SEMA3E: variants seen among roughly 807,000 people sequenced by gnomAD.
The protein encoded by SEMA3E is semaphorin-3E.
SEMA3E carries 49 observed loss-of-function variants against 93.6 expected under a neutral mutation model. The ratio of observed to expected loss-of-function variants is 0.52; its 90% CI spans 0.42 to 0.66. The LOEUF (loss-of-function observed/expected upper bound fraction) is 0.66. Among genes scored for constraint, SEMA3E ranks in the 30% least tolerant of loss-of-function variants. The pLI, the probability that SEMA3E is intolerant of heterozygous loss-of-function variation, is 0.00. For synonymous variants in SEMA3E, 363 were observed against 330.7 expected, an observed-to-expected ratio of 1.10 and a Z score of -1.06; for missense variants, 906 against 964.8, an observed-to-expected ratio of 0.94 and a Z score of 0.81.
chr7:83,599,791 C>A (rs1008897644), intron 1 of SEMA3E, among the ~76,000 whole-genome samples: 12 of 152,084 alleles, frequency 7.9e-5, no homozygotes, highest in Non-Finnish European at 1.8e-4. Flanking sequence ...TGAGGTCTTG[C>A]TAATGTGTTG....
chr7:83,382,872 A>T (rs2116913028), intron 16 of SEMA3E, among the ~76,000 whole-genome samples: 2 of 152,046 alleles, frequency 1.3e-5, no homozygotes, highest in African/African-American at 2.4e-5. Context: ...TAGACAATTG[A>T]GTTTCTAAGT....
intron 1 of SEMA3E, among the ~76,000 whole-genome samples, chr7:83,612,320 C>T (rs555058831): frequency 2.2e-4 from 33 of 152,174 alleles, no homozygotes; most frequent in African/African-American, 6.7e-4. Flanking sequence ...GAATCTATAA[C>T]GGTAATAATA....
At chr7:83,402,569 G>A in intron 10 of SEMA3E, 63 bp downstream of exon 10, 1 of 1,471,678 alleles carries the variant, frequency 6.8e-7, no homozygotes, top group Non-Finnish European at 9.5e-7. Flanking sequence ...ATGAAACAGT[G>A]AACAAAATAT....
intron 1 of SEMA3E, among the ~76,000 whole-genome samples, chr7:83,622,591 C>G (rs1386447064): frequency 1.3e-5 from 2 of 152,118 alleles, no homozygotes; most frequent in African/African-American, 4.8e-5. Flanking sequence ...AAATGCCCAT[C>G]AACGATAGAC....
intron 2 of SEMA3E, among the ~76,000 whole-genome samples, chr7:83,470,498 A>T (rs2115895656): frequency 6.6e-6 from 1 of 151,588 alleles, no homozygotes; most frequent in Admixed American, 6.6e-5. Context: ...CAGAGGTTTG[A>T]GTTTGTTATA....
At chr7:83,637,753 C>T (rs1322203972) in intron 1 of SEMA3E, among the ~76,000 whole-genome samples, 1 of 150,170 alleles carries the variant, frequency 6.7e-6, no homozygotes, top group Non-Finnish European at 1.5e-5. Context: ...TCAATTAAAC[C>T]TCTTTCCTTT....
intron 4 of SEMA3E, among the ~76,000 whole-genome samples, chr7:83,452,496 C>T (rs1326487791): frequency 6.6e-6 from 1 of 152,192 alleles, no homozygotes; most frequent in Non-Finnish European, 1.5e-5. Context: ...AGGGCCTTCT[C>T]TTTGCTCACA....
intron 1 of SEMA3E, among the ~76,000 whole-genome samples, chr7:83,546,514 C>T (rs139029927): frequency 3.3e-5 from 5 of 151,866 alleles, no homozygotes; most frequent in Non-Finnish European, 7.4e-5. Flanking sequence ...AAAACATAAC[C>T]AGCATTTCCT....
chr7:83,393,611 T>G (rs1048528280), intron 13 of SEMA3E, among the ~76,000 whole-genome samples: 2 of 152,192 alleles, frequency 1.3e-5, no homozygotes, highest in Non-Finnish European at 2.9e-5. Flanking sequence ...ATATAACATT[T>G]AGAAGAGTGA....
chr7:83,594,400 A>C (rs1792823441), intron 1 of SEMA3E, among the ~76,000 whole-genome samples: 1 of 152,136 alleles, frequency 6.6e-6, no homozygotes, highest in South Asian at 2.1e-4. Flanking sequence ...TATGTAAACA[A>C]ACGAACCATT....
chr7:83,541,917 A>G (rs1791542736), intron 1 of SEMA3E, among the ~76,000 whole-genome samples: 1 of 152,080 alleles, frequency 6.6e-6, no homozygotes, highest in Non-Finnish European at 1.5e-5. Context: ...CCCTGGAATG[A>G]GAAGTTTTAA....
Position 83,365,386 on chromosome 7 carries a change from C to T in SEMA3E, c.*2200G>A, listed in dbSNP as rs1349836116. 6.6e-6 allele frequency: 1 copy of T among 152,026 alleles called. No homozygotes were observed. Among genetic ancestry groups the T allele is most frequent in the Admixed American group, 6.6e-5 (1 of 15,260 alleles). 9.4% of individuals were successfully genotyped at this position (152,026 alleles called of 1,614,324 possible). A position where few individuals can be genotyped will look rare whatever the true frequency, so the allele number is the denominator to read the frequency against. ...GGTCTCACCAAATTGTGGACTTGGG[C>T]CCTCAAAGTTTTCTTATCAATTTTC... On this transcript the variant is annotated 3_prime_UTR_variant, in exon 17 of 17. Transcript: ENST00000643230.
intron 4 of SEMA3E, among the ~76,000 whole-genome samples, chr7:83,436,635 G>A (rs990159180): frequency 1.3e-5 from 2 of 151,882 alleles, no homozygotes; most frequent in Non-Finnish European, 2.9e-5. Flanking sequence ...ATATAAGCAA[G>A]TATACAAAGA....
chr7:83,386,974 A>G lies in SEMA3E; in HGVS notation c.1735+9T>C, dbSNP rs931945843. On this transcript the variant is annotated intron_variant, in intron 15 of 16. Coordinates refer to ENST00000643230, the MANE Select transcript of SEMA3E (RefSeq NM_012431.3). ...AGTAACCCAGAACAACTGATTTTCT[A>G]TGGATTACCAACAAACTGTTGTCCA... is the stretch of plus-strand genomic sequence containing the variant. The G allele has an allele frequency of 3.1e-6, 5 of 1,612,060 alleles. No individual in the cohort carries two copies. The highest frequency in any genetic ancestry group is 4.2e-6 in the Non-Finnish European group (5 of 1,178,614).
chr7:83,525,109 C>T (rs11973271), intron 1 of SEMA3E, among the ~76,000 whole-genome samples: 1,723 of 152,026 alleles, frequency 0.011, 40 homozygotes, highest in African/African-American at 0.039. Flanking sequence ...TATTCAATGC[C>T]CTAAGTTAAT....
At chr7:83,379,705 C>G (rs1260431810) in intron 16 of SEMA3E, among the ~76,000 whole-genome samples, 1 of 151,838 alleles carries the variant, frequency 6.6e-6, no homozygotes, top group African/African-American at 2.4e-5. Flanking sequence ...TGTCTGGGCT[C>G]AAATGCAAAC....
chr7:83,389,730 T>TACATACAC (rs1196082038), intron 14 of SEMA3E, among the ~76,000 whole-genome samples: 5 of 144,752 alleles, frequency 3.5e-5, no homozygotes, highest in Admixed American at 1.4e-4. Context: ...ATTACATGTA[T>TACATACAC]ACATATATAC....
At chr7:83,483,995 C>A (rs554979253) in intron 2 of SEMA3E, among the ~76,000 whole-genome samples, 1 of 152,156 alleles carries the variant, frequency 6.6e-6, no homozygotes, top group Non-Finnish European at 1.5e-5. Context: ...TGTACCACCC[C>A]CAATCTGACC....
chr7:83,437,081 A>G (rs935138561), intron 4 of SEMA3E, among the ~76,000 whole-genome samples: 9 of 152,146 alleles, frequency 5.9e-5, no homozygotes, highest in Non-Finnish European at 1.3e-4. Context: ...GCCTGCTCCC[A>G]TAATTCAATT....
Sources: allele counts gnomAD v4.1 joint callset (sites outside exome capture counted in the v4.1 genomes callset), GRCh38; gene constraint gnomAD v4.1.1; transcripts MANE v1.5; gene names NCBI Gene and HGNC (gene_info 2026-07-23, HGNC 2026-07-21).